Variants in ERGIC1 observed in about 807,000 individuals in gnomAD.
The protein encoded by ERGIC1 is endoplasmic reticulum-golgi intermediate compartment 1.
In ERGIC1, 19 loss-of-function variants were observed where a neutral mutation model predicts 38.3. The ratio of observed to expected loss-of-function variants is 0.50; its 90% CI spans 0.35 to 0.73. The LOEUF (loss-of-function observed/expected upper bound fraction) is 0.73, where lower values mean the gene tolerates loss of function less well. Among genes scored for constraint, ERGIC1 ranks in the 30% least tolerant of loss-of-function variants. The probability of loss-of-function intolerance (pLI) is 0.01; values close to 1 mark genes in which losing one functional copy is unlikely to be tolerated. For synonymous variants in ERGIC1, 124 were observed against 157.6 expected (o/e 0.79, Z 1.60); for missense variants, 294 against 389.2 (o/e 0.76, Z 2.06).
chr5:172,904,929 G>A (rs916276094), intron 3 of ERGIC1, among the ~76,000 whole-genome samples: 8 of 152,194 alleles, frequency 5.3e-5, no homozygotes, highest in African/African-American at 1.9e-4. Context: ...GCCTCAGGCC[G>A]TCCCTGCCCA....
At chr5:172,904,598 C>A (rs1435179292) in intron 3 of ERGIC1, among the ~76,000 whole-genome samples, 1 of 152,376 alleles carries the variant, frequency 6.6e-6, no homozygotes, top group East Asian at 1.9e-4. Flanking sequence ...CCACAAAAAA[C>A]ATTTCCTTTT....
chr5:172,948,252 C>T (rs562704681), intron 9 of ERGIC1, among the ~76,000 whole-genome samples: 1 of 152,350 alleles, frequency 6.6e-6, no homozygotes, highest in African/African-American at 2.4e-5. Context: ...GTCTGTCCAT[C>T]CTGGGCCTCA....
intron 9 of ERGIC1, 32 bp downstream of exon 9, chr5:172,935,342 G>GAGCC (rs1295939096): frequency 1.2e-6 from 2 of 1,613,360 alleles, no homozygotes; most frequent in East Asian, 2.2e-5. Flanking sequence ...GTGGGGCCCT[G>GAGCC]AGCCAGCCAC....
chr5:172,950,919 C>T lies in ERGIC1; in HGVS notation c.*103C>T. 1.0e-6 allele frequency: 1 copy of T among 998,012 alleles called. No individual in the cohort carries two copies. The highest frequency in any genetic ancestry group is 1.8e-5 in the South Asian group (1 of 54,724). The allele number at this position is 998,012 out of a possible 1,614,324, so 61.8% of individuals were successfully genotyped here. On this transcript the variant is annotated 3_prime_UTR_variant, in exon 10 of 10. Transcript: ENST00000393784. ...AATCTGGTCCCAAATCTGGCTGTGT[C>T]CCAAAGGGTGTGTGGGAAGTGGGGG...
intron 1 of ERGIC1, chr5:172,867,056 G>A (rs372302428): frequency 1.4e-5 from 6 of 419,382 alleles, no homozygotes; most frequent in African/African-American, 4.1e-5. Flanking sequence ...TGGAGATGAT[G>A]CAGATGGAGA....
In ERGIC1 at chr5:172,935,200, T is replaced by C. The variant is rs201274324; in HGVS notation, c.655T>C (p.Tyr219His). The C allele has an allele frequency of 1.2e-6, 2 of 1,614,094 alleles. No individual in the cohort carries two copies. The highest frequency in any genetic ancestry group is 2.2e-5 in the East Asian group (1 of 44,870). Reference sequence around the variant, plus strand: ...TCCTCTACCCCAGGAATACGTCGCCTACAGCCACACGGGCCGCATCATCCC... The same window carrying C: ...TCCTCTACCCCAGGAATACGTCGCCCACAGCCACACGGGCCGCATCATCCC... ...YTVANKEYVAYSHTGRIIPAI... is the reference protein window; with the variant it reads ...YTVANKEYVAHSHTGRIIPAI... The change falls in exon 9 of 10, where the codon TAC becomes CAC. Residue 219 changes from tyrosine (Y) to histidine (H), a missense_variant. Physicochemically the swap from Tyr to His is moderately conservative, Grantham distance 83. This residue lies in a region of ERGIC1 where 109 missense variants were observed against 112.7 expected (regional missense o/e 0.97). Coordinates refer to ENST00000393784, the MANE Select transcript of ERGIC1 (RefSeq NM_001031711.3).
chr5:172,911,734 C>T (rs1483249110), intron 4 of ERGIC1, among the ~76,000 whole-genome samples: 2 of 152,098 alleles, frequency 1.3e-5, no homozygotes, highest in African/African-American at 2.4e-5. Context: ...TAGCTGAGAT[C>T]GTACTGCATG....
At chr5:172,845,364 C>G (rs1023853086) in intron 1 of ERGIC1, among the ~76,000 whole-genome samples, 1 of 152,174 alleles carries the variant, frequency 6.6e-6, no homozygotes, top group Non-Finnish European at 1.5e-5. Flanking sequence ...TGAGCCCCTG[C>G]CGGGGGAGCC....
intron 1 of ERGIC1, among the ~76,000 whole-genome samples, chr5:172,851,100 C>G (rs1210261619): frequency 6.6e-6 from 1 of 150,436 alleles, no homozygotes; most frequent in African/African-American, 2.4e-5. Flanking sequence ...ACTCAGGAGG[C>G]TTAGGCAGGA....
At chr5:172,927,251 C>T (rs771989722) in intron 7 of ERGIC1, among the ~76,000 whole-genome samples, 66 of 152,182 alleles carry the variant, frequency 4.3e-4, no homozygotes, top group Non-Finnish European at 4.3e-4. Context: ...GCACAGGGTA[C>T]CTGGATTTTT....
chr5:172,850,237 C>G lies in ERGIC1; in HGVS notation c.20+15804C>G, dbSNP rs553514685. Among the ~76,000 whole-genome samples, 140 of 152,334 alleles carry G rather than the reference C, an allele frequency of 9.2e-4. 2 individuals carry two copies. The highest frequency in any genetic ancestry group is 9.0e-3 in the Admixed American group (138 of 15,302). ...TCACACTTGAAGCCAGGTGATTGGT[C>G]AGAGCTGAGTTAACCCTGAGTCAAA... On this transcript the variant is annotated intron_variant, in intron 1 of 9. Coordinates refer to ENST00000393784, the MANE Select transcript of ERGIC1 (RefSeq NM_001031711.3).
chr5:172,891,691 C>T (rs1444649437), intron 2 of ERGIC1, among the ~76,000 whole-genome samples: 1 of 152,138 alleles, frequency 6.6e-6, no homozygotes, highest in Non-Finnish European at 1.5e-5. Context: ...CCGCCTGCCT[C>T]GGCCTCCCAA....
At chr5:172,917,753 A>T (rs940201042) in intron 5 of ERGIC1, 6 of 152,222 alleles carry the variant, frequency 3.9e-5, no homozygotes, top group Admixed American at 3.9e-4. Context: ...GTAGGCCACA[A>T]ACCACAGTAG....
intron 9 of ERGIC1, among the ~76,000 whole-genome samples, chr5:172,948,812 G>A (rs1307578220): frequency 6.6e-6 from 1 of 152,174 alleles, no homozygotes; most frequent in Non-Finnish European, 1.5e-5. Context: ...ACTTTGGGGG[G>A]CTGAGACAGA....
At chr5:172,925,422 G>A (rs895730207) in intron 6 of ERGIC1, among the ~76,000 whole-genome samples, 1 of 152,134 alleles carries the variant, frequency 6.6e-6, no homozygotes, top group Non-Finnish European at 1.5e-5. Flanking sequence ...CCTTTTCCTT[G>A]TTGAGAAATT....
chr5:172,884,334 T>A (rs1369026985), intron 1 of ERGIC1, among the ~76,000 whole-genome samples: 1 of 147,706 alleles, frequency 6.8e-6, no homozygotes, highest in Non-Finnish European at 1.5e-5. Context: ...ATTAAACTCC[T>A]GGATTCAAAT....
intron 5 of ERGIC1, 52 bp downstream of exon 5, chr5:172,914,890 TC>T (rs3214436): frequency 0.035 from 56,012 of 1,611,844 alleles, 1,226 homozygotes; most frequent in South Asian, 0.094. Context: ...TCCTGCTGTC[TC>T]CCCGCTCCCT....
intron 1 of ERGIC1, among the ~76,000 whole-genome samples, chr5:172,841,407 T>C (rs1212821809): frequency 6.6e-6 from 1 of 152,236 alleles, no homozygotes; most frequent in Non-Finnish European, 1.5e-5. Context: ...GGGAAACAGC[T>C]GGTGCCTCTG....
In ERGIC1 at chr5:172,941,380, C is replaced by CG. The variant is rs1331779923; in HGVS notation, c.765+6070_765+6071insG. Among the ~76,000 whole-genome samples the CG allele has an allele frequency of 5.3e-5, 8 of 152,300 alleles. No individual in the cohort carries two copies. In the South Asian group the frequency reaches 1.7e-3, roughly 32 times the overall value. ...TACATAGTTACCTCTTTTAGCCCCC[C>CG]CAGCAACCTCTCAAGGTAGATGATT... On this transcript the variant is annotated intron_variant, in intron 9 of 9. Transcript: ENST00000393784.
Sources: allele counts gnomAD v4.1 joint callset (sites outside exome capture counted in the v4.1 genomes callset), GRCh38; gene constraint gnomAD v4.1.1; regional missense constraint gnomAD v4.1.1; transcripts MANE v1.5; gene names NCBI Gene and HGNC (gene_info 2026-07-23, HGNC 2026-07-21).